Variants in RBPMS observed in about 807,000 individuals in gnomAD.
RBPMS encodes RNA-binding protein with multiple splicing.
RBPMS carries 7 observed loss-of-function variants against 26.8 expected under a neutral mutation model. The observed-to-expected ratio is 0.26, with a 90% CI of 0.15 to 0.49. RBPMS has a LOEUF of 0.49. Among genes scored for constraint, RBPMS ranks in the 20% least tolerant of loss-of-function variants. RBPMS has a pLI of 0.98. For synonymous variants in RBPMS, 96 were observed against 93.3 expected (o/e 1.03, Z -0.17); for missense variants, 186 against 250.0 (o/e 0.74, Z 1.73).
chr8:30,457,207 T>C (rs1337599307), intron 1 of RBPMS, among the ~76,000 whole-genome samples: 1 of 152,188 alleles, frequency 6.6e-6, no homozygotes, highest in African/African-American at 2.4e-5. Flanking sequence ...TTGAGAACAG[T>C]TTTGGAAACT....
At chr8:30,422,425 A>AAAT (rs1212317205) in intron 1 of RBPMS, among the ~76,000 whole-genome samples, 2 of 152,104 alleles carry the variant, frequency 1.3e-5, no homozygotes, top group African/African-American at 4.8e-5. Context: ...AAATTTTCTT[A>AAAT]AATAATAATA....
chr8:30,446,642 CTTTT>C (rs1196757604), intron 1 of RBPMS, among the ~76,000 whole-genome samples: 3 of 152,026 alleles, frequency 2.0e-5, no homozygotes, highest in Non-Finnish European at 4.4e-5. Context: ...ATTTATCAGA[CTTTT>C]TTGAGACAGG....
chr8:30,487,965 T>C (rs1818972223), intron 4 of RBPMS, among the ~76,000 whole-genome samples: 1 of 152,138 alleles, frequency 6.6e-6, no homozygotes, highest in Non-Finnish European at 1.5e-5. Context: ...TTGGCCATTG[T>C]GCGGCAAGTT....
chr8:30,557,402 C>A (rs570660031), intron 6 of RBPMS, among the ~76,000 whole-genome samples: 1 of 152,148 alleles, frequency 6.6e-6, no homozygotes, highest in Admixed American at 6.5e-5. Context: ...TAGGGGATCT[C>A]GTGGGGCCTC....
At chr8:30,556,377 C>T (rs568846262) in intron 6 of RBPMS, 77 of 985,682 alleles carry the variant, frequency 7.8e-5, no homozygotes, top group East Asian at 2.3e-4. Context: ...GGCACCTGTG[C>T]GAGTGAGAAC....
chr8:30,458,357 T>A (rs969033431), intron 1 of RBPMS, among the ~76,000 whole-genome samples: 9 of 152,226 alleles, frequency 5.9e-5, no homozygotes, highest in African/African-American at 2.2e-4. Flanking sequence ...TCTACAAATA[T>A]TCACTGATTT....
At chr8:30,438,770 CTT>C (rs5890518) in intron 1 of RBPMS, among the ~76,000 whole-genome samples, 1 of 151,560 alleles carries the variant, frequency 6.6e-6, no homozygotes, top group East Asian at 1.9e-4. Context: ...TGCGATCTTA[CTT>C]TTTTTTTATT....
intron 7 of RBPMS, among the ~76,000 whole-genome samples, chr8:30,563,626 GA>G (rs1441587021): frequency 6.6e-6 from 1 of 152,204 alleles, no homozygotes; most frequent in Non-Finnish European, 1.5e-5. Flanking sequence ...ATGCAAGAGA[GA>G]ACGTGACGGA....
chr8:30,471,686 C>A (rs1249983588), intron 1 of RBPMS, among the ~76,000 whole-genome samples: 1 of 152,190 alleles, frequency 6.6e-6, no homozygotes, highest in African/African-American at 2.4e-5. Context: ...ATGGTGTTCA[C>A]TTTCTGGACT....
chr8:30,567,290 G>A (rs146679366), intron 8 of RBPMS, among the ~76,000 whole-genome samples: 13 of 152,280 alleles, frequency 8.5e-5, no homozygotes, highest in Non-Finnish European at 1.3e-4. Context: ...TCTCAGTGCC[G>A]ACCCAGGAGC....
intron 2 of RBPMS, among the ~76,000 whole-genome samples, chr8:30,476,277 G>C (rs1211213963): frequency 6.6e-6 from 1 of 152,216 alleles, no homozygotes; most frequent in African/African-American, 2.4e-5. Flanking sequence ...AAACCAAGCA[G>C]TCTGACTCTG....
chr8:30,504,470 ATAAC>A lies in RBPMS; in HGVS notation c.397+38_397+41del, dbSNP rs1563385060. 7 of 1,602,732 alleles carry A rather than the reference ATAAC, an allele frequency of 4.4e-6. No homozygotes were observed. In the South Asian group the frequency reaches 5.5e-5, roughly 13 times the overall value. ...ATCTACTTTTCATTCAAAAGTAATA[ATAAC>A]TAAGAACTGTTCATGTGCTGCATGT... is the stretch of plus-strand genomic sequence containing the variant. On this transcript the variant is annotated intron_variant, in intron 5 of 8. Transcript: ENST00000397323.
chr8:30,549,386 T>G, intron 6 of RBPMS: 1 of 852,718 alleles, frequency 1.2e-6, no homozygotes, highest in Non-Finnish European at 2.0e-6. Flanking sequence ...ACGACAGCTT[T>G]GAAGGACTGC....
At chr8:30,543,487 A>G (rs889026445) in intron 5 of RBPMS, among the ~76,000 whole-genome samples, 1 of 152,216 alleles carries the variant, frequency 6.6e-6, no homozygotes, top group Non-Finnish European at 1.5e-5. Context: ...AATGACTTCT[A>G]TCAAATCACC....
chr8:30,481,538 T>C (rs1358536725), intron 4 of RBPMS, among the ~76,000 whole-genome samples: 1 of 152,000 alleles, frequency 6.6e-6, no homozygotes, highest in African/African-American at 2.4e-5. Flanking sequence ...TGCACTAGGC[T>C]CTCCATTCTT....
intron 5 of RBPMS, among the ~76,000 whole-genome samples, chr8:30,508,120 C>G (rs551163000): frequency 8.5e-5 from 13 of 152,182 alleles, no homozygotes; most frequent in African/African-American, 3.1e-4. Flanking sequence ...TCCATTATGA[C>G]TGCTATCCAT....
intron 5 of RBPMS, among the ~76,000 whole-genome samples, chr8:30,521,298 CTTTAGTTGTTTCTTAATACTGTTGAATAT>C (rs1822993834): frequency 6.6e-6 from 1 of 152,086 alleles, no homozygotes; most frequent in East Asian, 1.9e-4. Context: ...TGAATAAGCC[CTTTAGTTGTTTCTTAATACTGTTGAATAT>C]TTAGTGGCTT....
intron 4 of RBPMS, among the ~76,000 whole-genome samples, chr8:30,494,463 AAT>A (rs1819717949): frequency 1.1e-5 from 1 of 90,078 alleles, no homozygotes; most frequent in Admixed American, 1.6e-4. Context: ...TAATCTTTAC[AAT>A]GAATGCTATG....
chr8:30,493,657 T>A (rs1819631104), intron 4 of RBPMS, among the ~76,000 whole-genome samples: 1 of 152,140 alleles, frequency 6.6e-6, no homozygotes, highest in African/African-American at 2.4e-5. Context: ...TGTAAAATAT[T>A]TCTTTAATGG....
Sources: gnomAD v4.1 joint callset for allele counts (sites outside exome capture counted in the v4.1 genomes callset) on GRCh38, gnomAD v4.1.1 for gene constraint, MANE v1.5 for transcripts, NCBI Gene and HGNC (gene_info 2026-07-23, HGNC 2026-07-21) for gene names.